The following CACNA2D3 variants were observed in gnomAD, a reference collection of about 807,000 sequenced individuals.
CACNA2D3 encodes voltage-dependent calcium channel subunit alpha-2/delta-3.
Under a neutral mutation model 160.6 loss-of-function variants are expected in CACNA2D3, and 60 were observed. That is an observed-to-expected ratio of 0.37 (90% CI 0.30 to 0.46). The LOEUF is 0.46. CACNA2D3 is among the 20% of genes least tolerant of loss of function. CACNA2D3 has a pLI of 1.00. For synonymous variants in CACNA2D3, 558 were observed against 492.9 expected, an observed-to-expected ratio of 1.13 and a Z score of -1.75; for missense variants, 1,205 against 1,365.0, an observed-to-expected ratio of 0.88 and a Z score of 1.85.
At chr3:54,691,986 C>T (rs938157501) in intron 11 of CACNA2D3, among the ~76,000 whole-genome samples, 9 of 143,842 alleles carry the variant, frequency 6.3e-5, no homozygotes, top group East Asian at 1.9e-4. Flanking sequence ...TTTCTTTCTT[C>T]CTTTTTTTTT....
At chr3:54,856,471 C>T (rs901072401) in intron 17 of CACNA2D3, among the ~76,000 whole-genome samples, 5 of 152,158 alleles carry the variant, frequency 3.3e-5, no homozygotes, top group African/African-American at 4.8e-5. Context: ...TTCCCTCCCC[C>T]ACCTGCTCCT....
intron 4 of CACNA2D3, among the ~76,000 whole-genome samples, chr3:54,464,596 TC>T (rs1342042952): frequency 6.6e-6 from 1 of 152,190 alleles, no homozygotes; most frequent in African/African-American, 2.4e-5. Flanking sequence ...GGATATAATC[TC>T]CTGGTGTGCC....
chr3:54,894,801 C>A, intron 25 of CACNA2D3: 1 of 398,600 alleles, frequency 2.5e-6, no homozygotes, highest in Non-Finnish European at 5.1e-6. Context: ...TTCCTGAAGC[C>A]TGATGACTTT....
intron 4 of CACNA2D3, among the ~76,000 whole-genome samples, chr3:54,461,188 T>C (rs929635693): frequency 6.6e-6 from 1 of 152,152 alleles, no homozygotes; most frequent in Admixed American, 6.5e-5. Flanking sequence ...CAGTATTTGA[T>C]TGAGGATTTT....
At chr3:54,652,127 C>T (rs1044511585) in intron 11 of CACNA2D3, among the ~76,000 whole-genome samples, 1 of 151,718 alleles carries the variant, frequency 6.6e-6, no homozygotes, top group Non-Finnish European at 1.5e-5. Context: ...AATAAATGCT[C>T]CACCCACCCC....
chr3:54,322,371 G>A (rs1319951447), intron 3 of CACNA2D3, among the ~76,000 whole-genome samples: 1 of 152,212 alleles, frequency 6.6e-6, no homozygotes, highest in Non-Finnish European at 1.5e-5. Flanking sequence ...ATAAATACGT[G>A]CTTACACTTA....
chr3:54,683,289 A>G (rs540783489), intron 11 of CACNA2D3, among the ~76,000 whole-genome samples: 51 of 152,302 alleles, frequency 3.3e-4, no homozygotes, highest in Admixed American at 2.5e-3. Context: ...TTCCCTAGGT[A>G]AGAGGTCTTG....
intron 2 of CACNA2D3, among the ~76,000 whole-genome samples, chr3:54,250,322 G>A (rs147627316): frequency 0.013 from 1,956 of 152,264 alleles, 36 homozygotes; most frequent in African/African-American, 0.043. Context: ...TGATGATTAT[G>A]TGAGGTAATG....
chr3:54,926,152 A>T (rs1701008904), intron 27 of CACNA2D3, among the ~76,000 whole-genome samples: 1 of 152,168 alleles, frequency 6.6e-6, no homozygotes, highest in Non-Finnish European at 1.5e-5. Flanking sequence ...GTATCCCTCC[A>T]GACATTTTAA....
chr3:55,015,385 A>G (rs1703306840), intron 34 of CACNA2D3, among the ~76,000 whole-genome samples: 1 of 152,112 alleles, frequency 6.6e-6, no homozygotes, highest in Non-Finnish European at 1.5e-5. Context: ...CTCATAGTTT[A>G]TTTTTTAATT....
At chr3:54,903,771 C>G (rs975261738) in intron 27 of CACNA2D3, among the ~76,000 whole-genome samples, 2 of 152,246 alleles carry the variant, frequency 1.3e-5, no homozygotes, top group Admixed American at 1.3e-4. Flanking sequence ...GAGATGATAT[C>G]TCATTGTGGT....
At chr3:54,965,935 G>A (rs1397644185) in intron 27 of CACNA2D3, among the ~76,000 whole-genome samples, 1 of 152,174 alleles carries the variant, frequency 6.6e-6, no homozygotes, top group Non-Finnish European at 1.5e-5. Flanking sequence ...AGGGAGATCA[G>A]AGAGAAGCAG....
chr3:54,780,567 G>A (rs1004022614), intron 13 of CACNA2D3, among the ~76,000 whole-genome samples: 7 of 152,118 alleles, frequency 4.6e-5, no homozygotes, highest in African/African-American at 1.7e-4. Context: ...ACTGGGAGAG[G>A]CCAGGAAAAA....
chr3:54,652,468 A>G (rs1204670434), intron 11 of CACNA2D3, among the ~76,000 whole-genome samples: 1 of 152,164 alleles, frequency 6.6e-6, no homozygotes, highest in Non-Finnish European at 1.5e-5. Context: ...AACCTGAGAC[A>G]GAGAATGGGT....
intron 2 of CACNA2D3, among the ~76,000 whole-genome samples, chr3:54,274,922 CT>C (rs1702702896): frequency 6.6e-6 from 1 of 152,194 alleles, no homozygotes; most frequent in Non-Finnish European, 1.5e-5. Context: ...GGTGACATTG[CT>C]TCACTTCTGT....
At chr3:54,436,080 G>C (rs1282416967) in intron 4 of CACNA2D3, among the ~76,000 whole-genome samples, 1 of 152,024 alleles carries the variant, frequency 6.6e-6, no homozygotes, top group East Asian at 1.9e-4. Context: ...AGGATCTTTG[G>C]AATAATAACA....
intron 16 of CACNA2D3, among the ~76,000 whole-genome samples, chr3:54,838,972 T>G (rs1252771864): frequency 2.0e-5 from 3 of 152,190 alleles, no homozygotes; most frequent in African/African-American, 7.2e-5. Context: ...AAAAAGATAG[T>G]CCAGGCCGGG....
intron 2 of CACNA2D3, among the ~76,000 whole-genome samples, chr3:54,310,946 C>T (rs7427616): frequency 0.084 from 12,780 of 152,214 alleles, 767 homozygotes; most frequent in South Asian, 0.13. Context: ...AGGACTTGAA[C>T]GTGGAACATC....
intron 9 of CACNA2D3, among the ~76,000 whole-genome samples, chr3:54,616,343 C>A (rs1698850218): frequency 6.6e-6 from 1 of 152,196 alleles, no homozygotes; most frequent in South Asian, 2.1e-4. Context: ...TGGTTGGAAG[C>A]TTCAGTTTCT....
Sources: allele counts gnomAD v4.1 joint callset (sites outside exome capture counted in the v4.1 genomes callset), GRCh38; gene constraint gnomAD v4.1.1; transcripts MANE v1.5; gene names NCBI Gene and HGNC (gene_info 2026-07-23, HGNC 2026-07-21).